The following SYTL5 variants were observed in gnomAD, a reference collection of about 807,000 sequenced individuals.
SYTL5 encodes synaptotagmin-like protein 5.
In SYTL5, 34 loss-of-function variants were observed where a neutral mutation model predicts 55.9. The ratio of observed to expected loss-of-function variants is 0.61; its 90% CI spans 0.46 to 0.81. The LOEUF (loss-of-function observed/expected upper bound fraction) is 0.81. Ranked by LOEUF, SYTL5 falls within the 30% of genes least tolerant of loss-of-function variation. The probability of loss-of-function intolerance (pLI) is 0.00; values close to 1 mark genes in which losing one functional copy is unlikely to be tolerated. For synonymous variants in SYTL5, 221 were observed against 188.7 expected, an observed-to-expected ratio of 1.17 and a Z score of -1.40; for missense variants, 637 against 546.7, an observed-to-expected ratio of 1.17 and a Z score of -1.65.
intron 16 of SYTL5, among the ~76,000 whole-genome samples, chrX:38,126,359 G>T (rs186569772): frequency 2.7e-5 from 3 of 112,198 alleles, no homozygotes; most frequent in Non-Finnish European, 5.6e-5. Context: ...GAGGAAGTGA[G>T]TCACCAGGGC....
chrX:37,994,013 C>T, the SYTL5 span, among the ~76,000 whole-genome samples: 1 of 111,482 alleles, frequency 9.0e-6, no homozygotes, highest in South Asian at 3.8e-4. Context: ...CCAGGTTCCT[C>T]TCAAAAAGAA....
chrX:38,121,616 G>A lies in SYTL5; in HGVS notation c.1706-464G>A, dbSNP rs900929649. On this transcript the variant is annotated intron_variant, in intron 14 of 16. Transcript: ENST00000297875. ...TCACCCTAAAACGTAACTGTGTTTG[G>A]GCTGTAGCCTCTAGAGCTGGCTCTG... Among the ~76,000 whole-genome samples, 3 of 112,516 alleles carry A rather than the reference G, an allele frequency of 2.7e-5. No homozygotes were observed. In the East Asian group the frequency reaches 8.4e-4, roughly 31 times the overall value.
the SYTL5 span, among the ~76,000 whole-genome samples, chrX:37,921,701 A>C: frequency 4.5e-5 from 5 of 111,807 alleles, no homozygotes; most frequent in South Asian, 1.9e-3. Context: ...ATTAACTACT[A>C]TTTCTATACC....
chrX:38,054,087 T>C, intron 2 of SYTL5, 126 bp from the exon 3 acceptor site: 1 of 497,812 alleles, frequency 2.0e-6, no homozygotes, highest in East Asian at 3.7e-5. Flanking sequence ...TGCATGGTGG[T>C]CCCCAGTTTA....
chrX:38,113,482 CTCTT>C (rs1236013052), intron 13 of SYTL5, among the ~76,000 whole-genome samples: 1 of 111,677 alleles, frequency 9.0e-6, no homozygotes, highest in African/African-American at 3.3e-5. Context: ...CACTGGGAGT[CTCTT>C]TCTCACTCCG....
At chrX:38,105,698 T>C (rs1937192102) in intron 10 of SYTL5, among the ~76,000 whole-genome samples, 1 of 112,228 alleles carries the variant, frequency 8.9e-6, no homozygotes, top group African/African-American at 3.2e-5. Context: ...CAGCATACAA[T>C]TTAAAACTTA....
At chrX:38,018,361 C>T (rs1934428813) in intron 1 of SYTL5, among the ~76,000 whole-genome samples, 1 of 111,303 alleles carries the variant, frequency 9.0e-6, no homozygotes, top group Non-Finnish European at 1.9e-5. Context: ...ACAGCATCAA[C>T]CACCATCCAC....
chrX:37,986,140 G>A, the SYTL5 span, among the ~76,000 whole-genome samples: 1 of 111,045 alleles, frequency 9.0e-6, no homozygotes, highest in Admixed American at 9.5e-5. Context: ...GGCATCAAAT[G>A]AAAAGAATAG....
chrX:37,971,124 T>C, the SYTL5 span, among the ~76,000 whole-genome samples: 1 of 101,423 alleles, frequency 9.9e-6, no homozygotes, highest in Non-Finnish European at 2.1e-5. Flanking sequence ...GCTCTTTACA[T>C]ATTTTTAGTA....
intron 3 of SYTL5, among the ~76,000 whole-genome samples, chrX:38,064,674 C>T (rs1420302752): frequency 4.5e-5 from 5 of 111,197 alleles, no homozygotes; most frequent in Non-Finnish European, 9.4e-5. Flanking sequence ...ACATGTTTTT[C>T]CAACATTTGA....
chrX:38,077,603 T>A (rs1393952007), intron 6 of SYTL5, among the ~76,000 whole-genome samples: 5 of 111,160 alleles, frequency 4.5e-5, no homozygotes, highest in Non-Finnish European at 9.4e-5. Flanking sequence ...TCCATAGCTG[T>A]TTCTTTTGTC....
the SYTL5 span, among the ~76,000 whole-genome samples, chrX:37,931,827 G>A: frequency 5.2e-4 from 58 of 111,003 alleles, no homozygotes; most frequent in Admixed American, 3.8e-4. Flanking sequence ...AATAGTTTGA[G>A]GAGTTCAGTC....
At chrX:37,910,967 C>CTTTTTTTTT in the SYTL5 span, among the ~76,000 whole-genome samples, 5,958 of 81,935 alleles carry the variant, frequency 0.073, 325 homozygotes, top group African/African-American at 0.099. Flanking sequence ...GATAGCATTA[C>CTTTTTTTTT]TTTTTTTTTT....
the SYTL5 span, among the ~76,000 whole-genome samples, chrX:37,933,258 C>A: frequency 9.0e-6 from 1 of 111,652 alleles, no homozygotes; most frequent in Middle Eastern, 4.6e-3. Context: ...CAAAGGGTTG[C>A]GCTAATCTGG....
At chrX:37,928,043 GAA>G in the SYTL5 span, among the ~76,000 whole-genome samples, 1 of 112,102 alleles carries the variant, frequency 8.9e-6, no homozygotes, top group African/African-American at 3.2e-5. Flanking sequence ...ATATGGAAAA[GAA>G]AATTTGATTT....
At chrX:37,926,656 A>G in the SYTL5 span, among the ~76,000 whole-genome samples, 23 of 111,816 alleles carry the variant, frequency 2.1e-4, no homozygotes, top group African/African-American at 7.1e-4. Flanking sequence ...TTACAACTGC[A>G]TCATGTCTGT....
chrX:37,947,961 T>C, the SYTL5 span, among the ~76,000 whole-genome samples: 5 of 111,928 alleles, frequency 4.5e-5, no homozygotes, highest in African/African-American at 1.6e-4. Context: ...GATGTTTTTA[T>C]ACATTTCCAA....
chrX:37,956,667 G>A, the SYTL5 span, among the ~76,000 whole-genome samples: 3 of 111,746 alleles, frequency 2.7e-5, no homozygotes, highest in East Asian at 2.8e-4. Context: ...TTTATATACC[G>A]TATTTTTTAT....
the SYTL5 span, among the ~76,000 whole-genome samples, chrX:37,990,468 T>C: frequency 8.9e-6 from 1 of 112,382 alleles, no homozygotes; most frequent in Non-Finnish European, 1.9e-5. Flanking sequence ...ACTTCACAGA[T>C]AATGTAAGGC....
Sources: allele counts gnomAD v4.1 joint callset (sites outside exome capture counted in the v4.1 genomes callset), GRCh38; gene constraint gnomAD v4.1.1; transcripts MANE v1.5; gene names NCBI Gene and HGNC (gene_info 2026-07-23, HGNC 2026-07-21).